The following PTPRD variants were observed in gnomAD, a reference collection of about 807,000 sequenced individuals.
PTPRD encodes the protein protein tyrosine phosphatase receptor type D, also known as receptor-type tyrosine-protein phosphatase delta.
Under a neutral mutation model 214.5 loss-of-function variants are expected in PTPRD, and 34 were observed. The ratio of observed to expected loss-of-function variants is 0.16; its 90% CI spans 0.12 to 0.21. PTPRD has a LOEUF of 0.21. Among genes scored for constraint, PTPRD ranks in the 10% least tolerant of loss-of-function variants. The pLI is 1.00. For missense variants in PTPRD, 2,545 were observed against 2,398.7 expected (o/e 1.06, Z -1.27); for synonymous variants, 1,128 against 845.7 (o/e 1.33, Z -5.79).
At chr9:10,277,667 C>T (rs901341525) in intron 3 of PTPRD, among the ~76,000 whole-genome samples, 7 of 152,152 alleles carry the variant, frequency 4.6e-5, no homozygotes, top group Non-Finnish European at 8.8e-5. Context: ...AGTTCTATCC[C>T]TACAGTAAAG....
rs543724083 is a variant in PTPRD at position 8,465,379 on chromosome 9, A to T, written c.3714+87T>A. ...AGTTCATGAGAAATAATGAGGATGG[A>T]TATACCCACAAATCCCCAAATAACC... is the stretch of plus-strand genomic sequence containing the variant. On this transcript the variant is annotated intron_variant, in intron 32 of 45. Coordinates refer to ENST00000381196, the MANE Select transcript of PTPRD (RefSeq NM_002839.4). The T allele has an allele frequency of 1.2e-5, 15 of 1,208,724 alleles. No homozygotes were observed. The East Asian group carries it at 3.0e-4, about 25-fold the overall frequency. The allele number at this position is 1,208,724 out of a possible 1,614,324, so 74.9% of individuals were successfully genotyped here.
chr9:8,373,141 T>C (rs1042734781), intron 39 of PTPRD, among the ~76,000 whole-genome samples: 1 of 151,998 alleles, frequency 6.6e-6, no homozygotes, highest in African/African-American at 2.4e-5. Flanking sequence ...TCAGAAATGG[T>C]TTCTAAACTA....
rs2136953161 is a variant in PTPRD at position 8,500,798 on chromosome 9, G to C, written c.2084C>G (p.Pro695Arg). 6.2e-7 allele frequency: 1 copy of C among 1,614,166 alleles called. No homozygotes were observed. The highest frequency in any genetic ancestry group is 8.5e-7 in the Non-Finnish European group (1 of 1,180,024). Reference protein sequence around the residue: ...ITVTAHTDVGPGPESLSVLIR... With the variant: ...ITVTAHTDVGRGPESLSVLIR... The stretch of plus-strand genomic sequence containing the variant: ...CAACACGGACAAGCTCTCAGGGCCA[G>C]GGCCGACATCTGTATGGGCTGTCAC... The change falls in exon 24 of 46, where the codon CCT (proline) becomes CGT (arginine). Residue 695 changes from proline (P) to arginine (R), a missense_variant. By Grantham distance (103) the Pro-to-Arg change is moderately radical. Transcript: ENST00000381196.
chr9:8,482,398 C>T (rs1591640801), intron 30 of PTPRD, among the ~76,000 whole-genome samples: 1 of 151,890 alleles, frequency 6.6e-6, no homozygotes, highest in African/African-American at 2.4e-5. Context: ...ACTATGTGAC[C>T]ACCTCCCAAT....
At chr9:9,675,929 T>G (rs1165721481) in intron 7 of PTPRD, among the ~76,000 whole-genome samples, 1 of 152,058 alleles carries the variant, frequency 6.6e-6, no homozygotes, top group Non-Finnish European at 1.5e-5. Context: ...ATCAAAATAT[T>G]AACCAACTAT....
intron 5 of PTPRD, among the ~76,000 whole-genome samples, chr9:9,838,545 T>G (rs1459164465): frequency 1.1e-4 from 17 of 151,846 alleles, no homozygotes; most frequent in South Asian, 6.2e-4. Context: ...TTTCATGTGT[T>G]TTTTGGCTGC....
chr9:9,967,774 A>G (rs1167914833), intron 4 of PTPRD, among the ~76,000 whole-genome samples: 1 of 152,204 alleles, frequency 6.6e-6, no homozygotes, highest in Non-Finnish European at 1.5e-5. Flanking sequence ...TAGACATTGA[A>G]CATGCGTAAA....
At chr9:8,713,509 G>C (rs2098390531) in intron 12 of PTPRD, 1 of 1,179,202 alleles carries the variant, frequency 8.5e-7, no homozygotes, top group African/African-American at 1.5e-5. Context: ...CTGTGGTCAG[G>C]TGTTTGAGAA....
chr9:9,290,125 C>T (rs1455536436), intron 9 of PTPRD, among the ~76,000 whole-genome samples: 4 of 151,514 alleles, frequency 2.6e-5, no homozygotes, highest in Non-Finnish European at 1.5e-5. Flanking sequence ...CACTTGTTAC[C>T]TCTTGTCTTT....
intron 9 of PTPRD, among the ~76,000 whole-genome samples, chr9:9,270,012 T>A (rs981624266): frequency 6.6e-6 from 1 of 150,458 alleles, no homozygotes; most frequent in Non-Finnish European, 1.5e-5. Context: ...TGTTACTATA[T>A]AATATTACTA....
intron 2 of PTPRD, among the ~76,000 whole-genome samples, chr9:10,346,744 T>A (rs1234023446): frequency 6.6e-6 from 1 of 152,168 alleles, no homozygotes; most frequent in Non-Finnish European, 1.5e-5. Context: ...TTCCTGTACT[T>A]GTGTTACATT....
rs144637445 is a variant in PTPRD, at chr9:10,253,027, G to A, written c.-545+87936C>T. Among the ~76,000 whole-genome samples the A allele has an allele frequency of 4.1e-3, 617 of 152,186 alleles. 7 individuals carry two copies. Among genetic ancestry groups the A allele is most frequent in the African/African-American group, 0.013 (554 of 41,520 alleles). On this transcript the variant is annotated intron_variant, in intron 3 of 45. Coordinates refer to ENST00000381196, the MANE Select transcript of PTPRD (RefSeq NM_002839.4). ...TCAAACTCTTGACCTCAGGTGATCCGTCTGCCTTGGCCTCCCAAATGCTGG... is the reference window on the plus strand; with the variant it reads ...TCAAACTCTTGACCTCAGGTGATCCATCTGCCTTGGCCTCCCAAATGCTGG...
intron 3 of PTPRD, among the ~76,000 whole-genome samples, chr9:10,215,260 T>C (rs992330178): frequency 4.0e-5 from 6 of 151,682 alleles, no homozygotes; most frequent in Admixed American, 1.3e-4. Flanking sequence ...GCTCTAAGAA[T>C]TGACTGATGG....
intron 9 of PTPRD, among the ~76,000 whole-genome samples, chr9:9,309,456 T>C (rs1433544070): frequency 6.6e-6 from 1 of 152,214 alleles, no homozygotes; most frequent in Non-Finnish European, 1.5e-5. Flanking sequence ...CCTTATCTCA[T>C]ACGTTCATGT....
intron 2 of PTPRD, among the ~76,000 whole-genome samples, chr9:10,430,953 C>G (rs1178202547): frequency 6.6e-6 from 1 of 151,844 alleles, no homozygotes; most frequent in Non-Finnish European, 1.5e-5. Context: ...TATTGGCTAT[C>G]AAAATTAAAA....
intron 7 of PTPRD, among the ~76,000 whole-genome samples, chr9:9,580,324 C>T (rs906386934): frequency 8.5e-5 from 13 of 152,074 alleles, no homozygotes; most frequent in Admixed American, 7.2e-4. Flanking sequence ...TACATTCCCA[C>T]CAACAGTGTA....
intron 10 of PTPRD, among the ~76,000 whole-genome samples, chr9:9,081,554 A>G (rs914479328): frequency 1.3e-5 from 2 of 152,006 alleles, no homozygotes; most frequent in South Asian, 2.1e-4. Flanking sequence ...TATCCTTGTT[A>G]ATTTTCTGTC....
At chr9:8,477,990 A>T (rs1248221230) in intron 30 of PTPRD, among the ~76,000 whole-genome samples, 2 of 152,184 alleles carry the variant, frequency 1.3e-5, no homozygotes, top group Non-Finnish European at 2.9e-5. Context: ...AAGGAGCACC[A>T]TTCCTGTGAG....
rs544811353 is a variant in PTPRD, at chr9:8,947,512, G to C, written c.-104+71185C>G. Among the ~76,000 whole-genome samples the C allele has an allele frequency of 4.6e-5, 7 of 151,486 alleles. No individual in the cohort carries two copies. In the East Asian group the frequency reaches 1.4e-3, roughly 29 times the overall value. Reference sequence around the variant, plus strand: ...GAAAAAAAAAAGTTACTATGGTAAGGTCTGAGTGTTAGGTTTAGCCTTAGA... The same window carrying C: ...GAAAAAAAAAAGTTACTATGGTAAGCTCTGAGTGTTAGGTTTAGCCTTAGA... On this transcript the variant is annotated intron_variant, in intron 11 of 45. Transcript: ENST00000381196.
Sources: allele counts gnomAD v4.1 joint callset (sites outside exome capture counted in the v4.1 genomes callset), GRCh38; gene constraint gnomAD v4.1.1; transcripts MANE v1.5; gene names NCBI Gene and HGNC (gene_info 2026-07-23, HGNC 2026-07-21).